PIEZO2: variants seen among roughly 807,000 people sequenced by gnomAD.
PIEZO2 encodes piezo-type mechanosensitive ion channel component 2.
PIEZO2 carries 172 observed loss-of-function variants against 337.3 expected under a neutral mutation model. The ratio of observed to expected loss-of-function variants is 0.51; its 90% CI spans 0.45 to 0.58. The LOEUF is 0.58. Ranked by LOEUF, PIEZO2 falls within the 20% of genes least tolerant of loss-of-function variation. The pLI, the probability that PIEZO2 is intolerant of heterozygous loss-of-function variation, is 0.00. For synonymous variants in PIEZO2, 1,251 were observed against 1,228.5 expected (o/e 1.02, Z -0.38); for missense variants, 3,028 against 3,391.3 (o/e 0.89, Z 2.66).
rs1188845561 is a variant in PIEZO2, at chr18:10,813,920, T to G, written c.918-6646A>C. On this transcript the variant is annotated intron_variant, in intron 7 of 55. Transcript: ENST00000674853. This position sits in a 1 kb window ranked among gnomAD's most constrained non-coding sequence, Gnocchi z 4.2. ...TATAGCCTTGCCAAGTCTTGTTATT[T>G]TATGCTTTTCAGAGTAGTCATCCTA... 6.6e-6 allele frequency among the ~76,000 whole-genome samples: 1 copy of G among 152,102 alleles called. No homozygotes were observed. The highest frequency in any genetic ancestry group is 2.4e-5 in the African/African-American group (1 of 41,412).
chr18:10,876,827 C>G (rs1183516647), intron 4 of PIEZO2, among the ~76,000 whole-genome samples: 1 of 152,146 alleles, frequency 6.6e-6, no homozygotes, highest in African/African-American at 2.4e-5. Flanking sequence ...CCTAATGCAA[C>G]AGGCCTCCTC....
chr18:10,859,124 C>T lies in PIEZO2; in HGVS notation c.493-1913G>A, dbSNP rs2041806168. Among the ~76,000 whole-genome samples the T allele has an allele frequency of 6.6e-6, 1 of 152,214 alleles. No individual in the cohort carries two copies. On this transcript the variant is annotated intron_variant, in intron 5 of 55. Coordinates refer to ENST00000674853, the MANE Select transcript of PIEZO2 (RefSeq NM_001378183.1). The surrounding 1 kb of genome is among the most constrained non-coding windows in gnomAD (Gnocchi z 4.9). ...GGGTGGCTGTTTCCGATTCAGAGGT[C>T]AAGGAAAGCCTCTCTGAGGAGGTGA...
intron 1 of PIEZO2, among the ~76,000 whole-genome samples, chr18:11,122,996 G>A (rs1395565739): frequency 1.0e-5 from 1 of 97,220 alleles, no homozygotes; most frequent in African/African-American, 2.6e-5. Flanking sequence ...TATAATGTGC[G>A]GCTTTTTCCC....
rs553018315 is a variant in PIEZO2, at chr18:11,105,146, A to G, written c.65-38924T>C. On this transcript the variant is annotated intron_variant, in intron 1 of 55. Coordinates refer to ENST00000674853, the MANE Select transcript of PIEZO2 (RefSeq NM_001378183.1). This position sits in a 1 kb window ranked among gnomAD's most constrained non-coding sequence, Gnocchi z 4.3. ...AGAAGGGGAGTGAGGTTTGGGTCCC[A>G]GGCCTTGCCATGATGGAGGAAGTAT... 7.2e-5 allele frequency among the ~76,000 whole-genome samples: 11 copies of G among 152,318 alleles called. No homozygotes were observed. The highest frequency in any genetic ancestry group is 2.6e-4 in the African/African-American group (11 of 41,566).
chr18:10,898,442 GAA>G (rs1162919114), intron 4 of PIEZO2, among the ~76,000 whole-genome samples: 1 of 151,946 alleles, frequency 6.6e-6, no homozygotes, highest in African/African-American at 2.4e-5. Context: ...GGAAATAGGA[GAA>G]AGAAAGTGTG....
At chr18:11,006,009 A>G (rs1055025875) in intron 2 of PIEZO2, among the ~76,000 whole-genome samples, 8 of 152,176 alleles carry the variant, frequency 5.3e-5, no homozygotes, top group East Asian at 1.9e-4. Context: ...ATTTATCTAT[A>G]AACTGGCAAG....
At chr18:10,978,886 A>C (rs1018578976) in intron 3 of PIEZO2, among the ~76,000 whole-genome samples, 5 of 152,164 alleles carry the variant, frequency 3.3e-5, no homozygotes, top group Admixed American at 1.3e-4. Flanking sequence ...TCCTACAAAA[A>C]CTGAAGTATG....
At chr18:11,098,727 A>G (rs1440986083) in intron 1 of PIEZO2, among the ~76,000 whole-genome samples, 2 of 151,922 alleles carry the variant, frequency 1.3e-5, no homozygotes. Flanking sequence ...TAACTAAACA[A>G]TCTATTTACT....
At chr18:10,785,077 C>T (rs1406483985) in intron 16 of PIEZO2, 120 bp from the exon 17 acceptor site, 2 of 1,055,028 alleles carry the variant, frequency 1.9e-6, no homozygotes, top group African/African-American at 1.6e-5. Context: ...TATTGAATCC[C>T]TCTCTCCCAT....
intron 36 of PIEZO2, among the ~76,000 whole-genome samples, chr18:10,729,673 C>A (rs2036688520): frequency 6.6e-6 from 1 of 151,416 alleles, no homozygotes; most frequent in Admixed American, 6.6e-5. Context: ...TGAGGCTTAT[C>A]TTTAATCATG....
At chr18:10,925,504 T>TGCAC (rs1465891078) in intron 3 of PIEZO2, among the ~76,000 whole-genome samples, 2 of 152,096 alleles carry the variant, frequency 1.3e-5, no homozygotes, top group Non-Finnish European at 2.9e-5. Flanking sequence ...TCAGGCTGCA[T>TGCAC]GCACACACAT....
intron 1 of PIEZO2, among the ~76,000 whole-genome samples, chr18:11,089,191 A>G (rs1422318222): frequency 6.6e-6 from 1 of 152,096 alleles, no homozygotes; most frequent in Non-Finnish European, 1.5e-5. Context: ...ACATTTTCCC[A>G]AAGCATTCCA....
intron 3 of PIEZO2, among the ~76,000 whole-genome samples, chr18:10,919,379 C>A (rs1288669210): frequency 6.6e-6 from 1 of 152,014 alleles, no homozygotes; most frequent in East Asian, 1.9e-4. Context: ...TTGAATTTTT[C>A]AATTTTCTTT....
Position 10,855,173 on chromosome 18 carries a change from A to G in PIEZO2, c.917+180T>C, listed in dbSNP as rs1338202762. 6.6e-6 allele frequency among the ~76,000 whole-genome samples: 1 copy of G among 152,018 alleles called. No individual in the cohort carries two copies. The highest frequency in any genetic ancestry group is 1.5e-5 in the Non-Finnish European group (1 of 67,996). Reference sequence around the variant, plus strand: ...GAAGAGACCACTGTCTTCCTTCCAGACTGTGTCATCCAATACAATGAAAGT... The same window carrying G: ...GAAGAGACCACTGTCTTCCTTCCAGGCTGTGTCATCCAATACAATGAAAGT... On this transcript the variant is annotated intron_variant, in intron 7 of 55. Transcript: ENST00000674853. This position sits in a 1 kb window ranked among gnomAD's most constrained non-coding sequence, Gnocchi z 4.9.
At chr18:11,076,512 T>G (rs1024542458) in intron 1 of PIEZO2, among the ~76,000 whole-genome samples, 2 of 152,080 alleles carry the variant, frequency 1.3e-5, no homozygotes, top group Non-Finnish European at 2.9e-5. Flanking sequence ...ATACTATTTG[T>G]AAACTATGAG....
chr18:10,732,244 G>T (rs914886467), intron 35 of PIEZO2, among the ~76,000 whole-genome samples: 1 of 152,148 alleles, frequency 6.6e-6, no homozygotes, highest in Non-Finnish European at 1.5e-5. Flanking sequence ...AGAACAAAAA[G>T]AAAACCTTGA....
intron 2 of PIEZO2, among the ~76,000 whole-genome samples, chr18:10,985,635 G>A (rs2034841543): frequency 6.6e-6 from 1 of 151,944 alleles, no homozygotes; most frequent in African/African-American, 2.4e-5. Flanking sequence ...TTCCAGCTTT[G>A]TTCTTCCTGA....
chr18:10,958,417 C>T (rs2033629929), intron 3 of PIEZO2, among the ~76,000 whole-genome samples: 1 of 152,046 alleles, frequency 6.6e-6, no homozygotes, highest in Non-Finnish European at 1.5e-5. Flanking sequence ...ACATGCTGTT[C>T]AAAGGGTAGA....
rs2039727114 is a variant in PIEZO2, at chr18:11,111,347, T to C, written c.64+37178A>G. ...CCCTCTATACATGGATTATCTACAG[T>C]GGCTTCTGTTTTCCTAACCAAGTCC... On this transcript the variant is annotated intron_variant, in intron 1 of 55. Coordinates refer to ENST00000674853, the MANE Select transcript of PIEZO2 (RefSeq NM_001378183.1). This position sits in a 1 kb window ranked among gnomAD's most constrained non-coding sequence, Gnocchi z 6.2. Among the ~76,000 whole-genome samples the C allele has an allele frequency of 6.6e-6, 1 of 152,246 alleles. No individual in the cohort carries two copies. Among genetic ancestry groups the C allele is most frequent in the Admixed American group, 6.5e-5 (1 of 15,290 alleles).
Sources: gnomAD v4.1 joint callset for allele counts (sites outside exome capture counted in the v4.1 genomes callset) on GRCh38, gnomAD v4.1.1 for gene constraint, Gnocchi (gnomAD v3.1) non-coding constraint, MANE v1.5 for transcripts, NCBI Gene and HGNC (gene_info 2026-07-23, HGNC 2026-07-21) for gene names.